IGF1: variants seen among roughly 807,000 people sequenced by gnomAD.
IGF1 encodes the protein insulin-like growth factor 1.
Under a neutral mutation model 13.8 loss-of-function variants are expected in IGF1, and 4 were observed. The observed-to-expected ratio is 0.29, with a 90% CI of 0.14 to 0.66. The LOEUF is 0.66. IGF1 is among the 30% of genes least tolerant of loss of function. The pLI is 0.78. For synonymous variants in IGF1, 76 were observed against 72.6 expected (o/e 1.05, Z -0.23); for missense variants, 124 against 188.5 (o/e 0.66, Z 2.00).
At chr12:102,453,034 G>A (rs1235733306) in intron 2 of IGF1, among the ~76,000 whole-genome samples, 2 of 152,170 alleles carry the variant, frequency 1.3e-5, no homozygotes, top group Non-Finnish European at 2.9e-5. Flanking sequence ...GGATTTGGGG[G>A]TCGAGAAGCT....
Position 102,402,269 on chromosome 12 carries a change from A to G in IGF1, c.*238T>C, listed in dbSNP as rs1219013824. ...ATTTTTTTTTTCTTTTCTATAGAAC[A>G]TTATTGATAAAAGATCAACAGCAAT... is the stretch of plus-strand genomic sequence containing the variant. On this transcript the variant is annotated 3_prime_UTR_variant, in exon 4 of 4. Transcript: ENST00000337514. 3.4e-5 allele frequency: 15 copies of G among 445,026 alleles called. No individual in the cohort carries two copies. The highest frequency in any genetic ancestry group is 4.0e-6 in the Non-Finnish European group (1 of 247,690). 27.6% of individuals were successfully genotyped at this position (445,026 alleles called of 1,614,324 possible). A position where few individuals can be genotyped will look rare whatever the true frequency, so the allele number is the denominator to read the frequency against.
chr12:102,439,465 C>CA (rs1877522146), intron 2 of IGF1, among the ~76,000 whole-genome samples: 1 of 151,994 alleles, frequency 6.6e-6, no homozygotes, highest in Non-Finnish European at 1.5e-5. Context: ...TTAAAATAGA[C>CA]AAAAATGGGC....
intron 2 of IGF1, among the ~76,000 whole-genome samples, chr12:102,448,600 T>G: frequency 1.4e-5 from 2 of 142,946 alleles, no homozygotes; most frequent in Non-Finnish European, 3.0e-5. Flanking sequence ...GATGACACAT[T>G]AGTGGGTGCA....
rs534937976 is a variant in IGF1 at position 102,454,579 on chromosome 12, A to G, written c.220+21064T>C. ...GCCACCTTTGCGAATAAGCCAGGGC[A>G]TGACACTCTCCATGAAGCTCCCAAG... On this transcript the variant is annotated intron_variant, in intron 2 of 3. Coordinates refer to ENST00000337514, the MANE Select transcript of IGF1 (RefSeq NM_000618.5). 1.8e-4 allele frequency among the ~76,000 whole-genome samples: 27 copies of G among 152,364 alleles called. No individual in the cohort carries two copies. The South Asian group carries it at 5.2e-3, about 29-fold the overall frequency.
intron 2 of IGF1, among the ~76,000 whole-genome samples, chr12:102,443,820 AT>A (rs1022699820): frequency 1.3e-5 from 2 of 151,802 alleles, no homozygotes; most frequent in African/African-American, 4.8e-5. Flanking sequence ...TTTTATTTTT[AT>A]TTATTTATTT....
At chr12:102,411,455 G>T (rs1249429397) in intron 3 of IGF1, among the ~76,000 whole-genome samples, 1 of 152,114 alleles carries the variant, frequency 6.6e-6, no homozygotes, top group African/African-American at 2.4e-5. Context: ...TTGACCTCTT[G>T]GTGCTGGCTA....
intron 2 of IGF1, among the ~76,000 whole-genome samples, chr12:102,450,484 C>CA (rs1353384553): frequency 1.3e-5 from 2 of 152,220 alleles, no homozygotes; most frequent in African/African-American, 4.8e-5. Flanking sequence ...AATGGATGCC[C>CA]AATTGCTCTG....
chr12:102,459,144 C>A (rs886364738), intron 2 of IGF1, among the ~76,000 whole-genome samples: 1 of 152,112 alleles, frequency 6.6e-6, no homozygotes, highest in African/African-American at 2.4e-5. Context: ...TACACAAAAA[C>A]ACTTATGAGG....
In IGF1 at chr12:102,475,722, C is replaced by T. The variant is rs745805222; in HGVS notation, c.141G>A (p.Thr47=). Residue 47 remains threonine, a synonymous_variant, in exon 2 of 4, where the codon ACG becomes ACA. Coordinates refer to ENST00000337514, the MANE Select transcript of IGF1 (RefSeq NM_000618.5). ...LCLLTFTSSA[T]AGPETLCGAE... ...CCCCGCAGAGCGTCTCCGGTCCAGC[C>T]GTGGCAGAGCTGGTGAAGGTGAGCA... is the stretch of plus-strand genomic sequence containing the variant. 4.7e-5 allele frequency: 76 copies of T among 1,614,070 alleles called. No individual in the cohort carries two copies. Among genetic ancestry groups the T allele is most frequent in the Non-Finnish European group, 5.6e-5 (66 of 1,180,056 alleles).
chr12:102,461,353 T>G (rs1454774268), intron 2 of IGF1, among the ~76,000 whole-genome samples: 1 of 152,142 alleles, frequency 6.6e-6, no homozygotes, highest in East Asian at 1.9e-4. Flanking sequence ...AAAAGCAGTT[T>G]TAAAGTTTAC....
At chr12:102,464,988 G>A (rs1383051848) in intron 2 of IGF1, among the ~76,000 whole-genome samples, 1 of 152,102 alleles carries the variant, frequency 6.6e-6, no homozygotes, top group African/African-American at 2.4e-5. Flanking sequence ...AGCTCAGTGT[G>A]GTAAAATGAT....
chr12:102,406,864 G>C (rs1355092942), intron 3 of IGF1, among the ~76,000 whole-genome samples: 1 of 151,902 alleles, frequency 6.6e-6, no homozygotes, highest in Non-Finnish European at 1.5e-5. Context: ...AGGCCGAGGT[G>C]GGCAGATCAC....
chr12:102,467,101 C>A (rs1403808485), intron 2 of IGF1, among the ~76,000 whole-genome samples: 1 of 152,116 alleles, frequency 6.6e-6, no homozygotes, highest in South Asian at 2.1e-4. Flanking sequence ...TGGCTCAGTG[C>A]AGACTTTCTA....
intron 1 of IGF1, 23 bp from the exon 2 acceptor site, chr12:102,475,822 G>A (rs5742620): frequency 1.2e-6 from 2 of 1,603,090 alleles, no homozygotes; most frequent in African/African-American, 1.3e-5. Flanking sequence ...CAGAGGGAGG[G>A]TCAGGTTTCC....
intron 2 of IGF1, among the ~76,000 whole-genome samples, chr12:102,428,973 GC>G (rs1876489807): frequency 6.6e-6 from 1 of 152,098 alleles, no homozygotes; most frequent in South Asian, 2.1e-4. Context: ...CCCAACATCT[GC>G]CCAGAATATA....
intron 3 of IGF1, among the ~76,000 whole-genome samples, chr12:102,410,693 G>T (rs754395467): frequency 6.6e-6 from 1 of 152,190 alleles, no homozygotes; most frequent in Non-Finnish European, 1.5e-5. Flanking sequence ...ATGCAATAGT[G>T]ATGAGTTCAC....
intron 2 of IGF1, among the ~76,000 whole-genome samples, chr12:102,425,324 G>A (rs929336642): frequency 1.3e-5 from 2 of 152,060 alleles, no homozygotes; most frequent in Admixed American, 6.6e-5. Context: ...TTTAGGCATC[G>A]ATTTCACTTT....
chr12:102,478,622 A>G lies in IGF1; in HGVS notation c.63+1697T>C, dbSNP rs575541117. On this transcript the variant is annotated intron_variant, in intron 1 of 3. Transcript: ENST00000337514. ...GTGGGTGGGGTTTGTGAAAGCATCT[A>G]GTTACATTTGGACACCCAGGCAGGT... is the stretch of plus-strand genomic sequence containing the variant. 2.5e-4 allele frequency: 382 copies of G among 1,529,274 alleles called. 6 individuals carry two copies. The South Asian group carries it at 3.8e-3, about 15-fold the overall frequency. The allele number at this position is 1,529,274 out of a possible 1,614,324, so 94.7% of individuals were successfully genotyped here. A position where few individuals can be genotyped will look rare whatever the true frequency, so the allele number is the denominator to read the frequency against.
chr12:102,462,513 C>G (rs1263576756), intron 2 of IGF1, among the ~76,000 whole-genome samples: 1 of 152,122 alleles, frequency 6.6e-6, no homozygotes, highest in Non-Finnish European at 1.5e-5. Flanking sequence ...TCTGACTTAT[C>G]TGGTAAGAGA....
Sources: gnomAD v4.1 joint callset for allele counts (sites outside exome capture counted in the v4.1 genomes callset) on GRCh38, gnomAD v4.1.1 for gene constraint, MANE v1.5 for transcripts, NCBI Gene and HGNC (gene_info 2026-07-23, HGNC 2026-07-21) for gene names.